Variants in SPAG1 observed in about 807,000 individuals in gnomAD.
SPAG1 encodes sperm associated antigen 1.
A neutral mutation model predicts 100.5 loss-of-function variants in SPAG1; 69 were observed. The observed-to-expected ratio is 0.69, with a 90% CI of 0.57 to 0.84. The LOEUF (loss-of-function observed/expected upper bound fraction) is 0.84. Among genes scored for constraint, SPAG1 ranks in the 40% least tolerant of loss-of-function variants. The probability of loss-of-function intolerance (pLI) is 0.00; values close to 1 mark genes in which losing one functional copy is unlikely to be tolerated. For missense variants in SPAG1, 955 were observed against 1,133.1 expected, an observed-to-expected ratio of 0.84 and a Z score of 2.26; for synonymous variants, 336 against 411.6, an observed-to-expected ratio of 0.82 and a Z score of 2.22.
chr8:100,164,045 A>G (rs1265132846), intron 2 of SPAG1, among the ~76,000 whole-genome samples: 1 of 152,206 alleles, frequency 6.6e-6, no homozygotes, highest in Non-Finnish European at 1.5e-5. Context: ...ATGGGAAAGG[A>G]CTGATTTTCC....
chr8:100,193,879 T>C (rs1356508991), intron 9 of SPAG1, among the ~76,000 whole-genome samples: 1 of 152,192 alleles, frequency 6.6e-6, no homozygotes, highest in African/African-American at 2.4e-5. Flanking sequence ...AGTATCTGAA[T>C]GGCAAGATTT....
chr8:100,203,051 C>T (rs1329092536), intron 10 of SPAG1, among the ~76,000 whole-genome samples: 2 of 152,066 alleles, frequency 1.3e-5, no homozygotes, highest in Non-Finnish European at 2.9e-5. Context: ...CTGGGTGTGT[C>T]TGTGAGGGTA....
intron 3 of SPAG1, 101 bp downstream of exon 3, chr8:100,166,074 G>A: frequency 9.5e-7 from 1 of 1,052,558 alleles, no homozygotes; most frequent in South Asian, 1.8e-5. Flanking sequence ...TCCGTAAAGG[G>A]CTTTTAGTGT....
At position 100,239,923 on chromosome 8, in the gene SPAG1, T is replaced by C. The variant is rs1002282904; in HGVS notation, c.2281-480T>C. ...CTCTGCCTAATATTAGGGAAGAATG[T>C]TAGGCTGTGAATCCCTGTACATTCA... On this transcript the variant is annotated intron_variant, in intron 17 of 18. Coordinates refer to ENST00000388798, the MANE Select transcript of SPAG1 (RefSeq NM_003114.5). This position sits in a 1 kb window ranked among gnomAD's most constrained non-coding sequence, Gnocchi z 5.0. Among the ~76,000 whole-genome samples, 2 of 152,202 alleles carry C rather than the reference T, an allele frequency of 1.3e-5. No individual in the cohort carries two copies. The highest frequency in any genetic ancestry group is 3.2e-3 in the Middle Eastern group (1 of 316).
Position 100,162,431 on chromosome 8 carries a change from T to TA in SPAG1, c.140+15dup. On this transcript the variant is annotated intron_variant, in intron 2 of 18. Coordinates refer to ENST00000388798, the MANE Select transcript of SPAG1 (RefSeq NM_003114.5). ...TCTTTGCGTGCTCAGGTAAGCATTTTAAAATCATTACATGTTTTAGTATGA... is the reference window on the plus strand; with the variant it reads ...TCTTTGCGTGCTCAGGTAAGCATTTTAAAAATCATTACATGTTTTAGTATGA... The TA allele has an allele frequency of 6.4e-7, 1 of 1,557,898 alleles. No homozygotes were observed. The highest frequency in any genetic ancestry group is 2.1e-5 in the Admixed American group (1 of 46,788).
intron 13 of SPAG1, among the ~76,000 whole-genome samples, chr8:100,221,812 T>A (rs1251279906): frequency 6.6e-6 from 1 of 152,162 alleles, no homozygotes; most frequent in Non-Finnish European, 1.5e-5. Context: ...TTGTAGAAAA[T>A]GAGAATGGTA....
chr8:100,174,562 A>G (rs915444608), intron 3 of SPAG1, among the ~76,000 whole-genome samples: 14 of 152,294 alleles, frequency 9.2e-5, no homozygotes, highest in African/African-American at 3.1e-4. Flanking sequence ...AAATGTTACT[A>G]TATGGTACCA....
intron 10 of SPAG1, among the ~76,000 whole-genome samples, chr8:100,204,636 C>G (rs575046658): frequency 6.6e-6 from 1 of 152,114 alleles, no homozygotes; most frequent in Non-Finnish European, 1.5e-5. Flanking sequence ...GGAAGGGATC[C>G]AAAGGCTTAG....
At position 100,213,349 on chromosome 8, in the gene SPAG1, C is replaced by A. The variant is rs1176767499; in HGVS notation, c.1356C>A (p.Gly452=). The change falls in exon 11 of 19, where the codon GGC becomes GGA. Residue 452 remains glycine (G), a synonymous_variant. Coordinates refer to ENST00000388798, the MANE Select transcript of SPAG1 (RefSeq NM_003114.5). ...ACCCTGCCGGCCTGAAGAGCCAGGGCAACGAGCTGTTCCGAAGCGGGCAGT... is the reference window on the plus strand; with the variant it reads ...ACCCTGCCGGCCTGAAGAGCCAGGGAAACGAGCTGTTCCGAAGCGGGCAGT... ...AENPAGLKSQ[G]NELFRSGQFA... is the part of the protein sequence containing the mutation. 1.4e-6 allele frequency: 2 copies of A among 1,409,500 alleles called. No homozygotes were observed. The highest frequency in any genetic ancestry group is 1.9e-6 in the Non-Finnish European group (2 of 1,076,622). 87.3% of individuals were successfully genotyped at this position (1,409,500 alleles called of 1,614,324 possible). A position where few individuals can be genotyped will look rare whatever the true frequency, so the allele number is the denominator to read the frequency against.
At chr8:100,189,760 G>T (rs55912949) in intron 8 of SPAG1, among the ~76,000 whole-genome samples, 25,524 of 152,180 alleles carry the variant, frequency 0.17, 2,458 homozygotes, top group South Asian at 0.23. Context: ...AATCTCCAAT[G>T]ATTCCAAAAT....
chr8:100,178,850 A>T (rs1816241905), intron 4 of SPAG1, among the ~76,000 whole-genome samples: 1 of 152,020 alleles, frequency 6.6e-6, no homozygotes. Context: ...TAATCCCAGC[A>T]CTTTGGGAGG....
intron 3 of SPAG1, among the ~76,000 whole-genome samples, chr8:100,172,231 T>A (rs1368336138): frequency 1.3e-5 from 2 of 152,206 alleles, no homozygotes; most frequent in Non-Finnish European, 2.9e-5. Context: ...TAAGAACTTT[T>A]CATTGGCTTT....
intron 12 of SPAG1, among the ~76,000 whole-genome samples, chr8:100,219,826 G>A (rs1818179415): frequency 6.6e-6 from 1 of 152,326 alleles, no homozygotes; most frequent in Non-Finnish European, 1.5e-5. Context: ...TTTGCAGCAA[G>A]TGAATCATAA....
chr8:100,183,336 A>G (rs1337133302), intron 4 of SPAG1, 39 bp from the exon 5 acceptor site: 3 of 912,310 alleles, frequency 3.3e-6, no homozygotes, highest in Non-Finnish European at 3.5e-6. Context: ...ATAATCTTAT[A>G]TTAAATATGT....
At chr8:100,166,624 G>T (rs1346910494) in intron 3 of SPAG1, among the ~76,000 whole-genome samples, 3 of 151,946 alleles carry the variant, frequency 2.0e-5, no homozygotes, top group Non-Finnish European at 4.4e-5. Context: ...CAAATTGCTT[G>T]GTCAGATGTG....
At chr8:100,194,569 T>C in intron 10 of SPAG1, 1 of 513,170 alleles carries the variant, frequency 1.9e-6, no homozygotes, top group Non-Finnish European at 3.4e-6. Flanking sequence ...ACTTTAAATA[T>C]CTCTCTTTGA....
In SPAG1 at chr8:100,213,351, A is replaced by C. The variant is rs1817822826; in HGVS notation, c.1358A>C (p.Asn453Thr). 5 of 1,410,688 alleles carry C rather than the reference A, an allele frequency of 3.5e-6. No individual in the cohort carries two copies. The highest frequency in any genetic ancestry group is 4.6e-6 in the Non-Finnish European group (5 of 1,077,244). 87.4% of individuals were successfully genotyped at this position (1,410,688 alleles called of 1,614,324 possible). The change falls in exon 11 of 19, where the codon AAC (asparagine) becomes ACC (threonine). Residue 453 changes from asparagine (N) to threonine (T), a missense_variant. Transcript: ENST00000388798. ...CCTGCCGGCCTGAAGAGCCAGGGCA[A>C]CGAGCTGTTCCGAAGCGGGCAGTTC... ...ENPAGLKSQGNELFRSGQFAE... is the reference protein window; with the variant it reads ...ENPAGLKSQGTELFRSGQFAE...
At chr8:100,193,348 C>G (rs1335064471) in intron 9 of SPAG1, among the ~76,000 whole-genome samples, 2 of 152,156 alleles carry the variant, frequency 1.3e-5, no homozygotes, top group Admixed American at 1.3e-4. Context: ...GTAGTCCTAG[C>G]TACTCGGGAG....
At chr8:100,201,884 T>C (rs1420569348) in intron 10 of SPAG1, among the ~76,000 whole-genome samples, 1 of 152,176 alleles carries the variant, frequency 6.6e-6, no homozygotes, top group Non-Finnish European at 1.5e-5. Context: ...CCTTGCAGTA[T>C]CCTTTGTAAT....
Sources: allele counts gnomAD v4.1 joint callset (sites outside exome capture counted in the v4.1 genomes callset), GRCh38; gene constraint gnomAD v4.1.1; non-coding constraint Gnocchi (gnomAD v3.1); transcripts MANE v1.5; gene names NCBI Gene and HGNC (gene_info 2026-07-23, HGNC 2026-07-21).